The following SRGAP3 variants were observed in gnomAD, a reference collection of about 807,000 sequenced individuals.
SRGAP3 encodes SLIT-ROBO Rho GTPase-activating protein 3.
Under a neutral mutation model 121.1 loss-of-function variants are expected in SRGAP3, and 39 were observed. That is an observed-to-expected ratio of 0.32 (90% CI 0.25 to 0.42). The LOEUF (loss-of-function observed/expected upper bound fraction) is 0.42, where lower values mean the gene tolerates loss of function less well. Ranked by LOEUF, SRGAP3 falls within the 10% of genes least tolerant of loss-of-function variation. The probability of loss-of-function intolerance (pLI) is 1.00; values close to 1 mark genes in which losing one functional copy is unlikely to be tolerated. For missense variants in SRGAP3, 1,213 were observed against 1,470.6 expected, an observed-to-expected ratio of 0.82 and a Z score of 2.86; for synonymous variants, 601 against 570.0, an observed-to-expected ratio of 1.05 and a Z score of -0.77.
chr3:9,294,618 C>T (rs952368112), intron 3 of SRGAP3, among the ~76,000 whole-genome samples: 4 of 151,634 alleles, frequency 2.6e-5, no homozygotes, highest in African/African-American at 4.8e-5. Flanking sequence ...CTGCTTGATT[C>T]GGACCACATT....
At position 9,349,055 on chromosome 3, in the gene SRGAP3, G is replaced by C. The variant is rs1049058242; in HGVS notation, n.214+13785C>G. The C allele has an allele frequency of 7.2e-6, 7 of 977,226 alleles. No homozygotes were observed. In the Admixed American group the frequency reaches 1.0e-4, roughly 14 times the overall value. The allele number at this position is 977,226 out of a possible 1,614,324, so 60.5% of individuals were successfully genotyped here. A position where few individuals can be genotyped will look rare whatever the true frequency, so the allele number is the denominator to read the frequency against. ...GGGCCTCTCTGAAGAGGCTATCATG[G>C]AGCTGAACCTGCCCACTGGTATTCC... On this transcript the variant is annotated intron_variant and non_coding_transcript_variant, in intron 1 of 3. Transcript: ENST00000490889.
intron 1 of SRGAP3, among the ~76,000 whole-genome samples, chr3:9,342,386 T>C (rs1325758520): frequency 3.3e-5 from 5 of 152,094 alleles, no homozygotes; most frequent in African/African-American, 1.2e-4. Context: ...ATCATTTTGA[T>C]TGTATTTCAT....
chr3:9,083,714 C>T (rs1947338262), intron 3 of SRGAP3, among the ~76,000 whole-genome samples: 1 of 152,204 alleles, frequency 6.6e-6, no homozygotes, highest in Non-Finnish European at 1.5e-5. Context: ...TGCATATGGG[C>T]AGGGACCCCA....
At chr3:9,243,861 T>TGTTTTTAA (rs1040862884) in intron 1 of SRGAP3, among the ~76,000 whole-genome samples, 1 of 152,198 alleles carries the variant, frequency 6.6e-6, no homozygotes, top group Admixed American at 6.5e-5. Context: ...GGAAGCATAG[T>TGTTTTTAA]GTTTTTAAAT....
intron 1 of SRGAP3, among the ~76,000 whole-genome samples, chr3:9,210,067 G>A (rs905558879): frequency 6.6e-6 from 1 of 152,102 alleles, no homozygotes; most frequent in Non-Finnish European, 1.5e-5. Flanking sequence ...AACAGACGTT[G>A]TGTGATTCCA....
At chr3:9,061,481 C>T (rs751015261) in intron 5 of SRGAP3, among the ~76,000 whole-genome samples, 43 of 152,174 alleles carry the variant, frequency 2.8e-4, no homozygotes, top group Non-Finnish European at 5.3e-4. Flanking sequence ...GATTGGCTTT[C>T]GATGACAAGC....
At chr3:9,286,910 GT>G (rs34583038) in intron 3 of SRGAP3, among the ~76,000 whole-genome samples, 31,668 of 148,376 alleles carry the variant, frequency 0.21, 3,686 homozygotes, top group African/African-American at 0.3. Context: ...GCTATCTTGT[GT>G]TTTTTTAATC....
At chr3:9,111,064 G>A (rs557747768) in intron 2 of SRGAP3, among the ~76,000 whole-genome samples, 1 of 152,344 alleles carries the variant, frequency 6.6e-6, no homozygotes, top group South Asian at 2.1e-4. Context: ...AGCAGTTCAT[G>A]CATTCCATAC....
At chr3:9,238,012 T>C (rs1353279100) in intron 1 of SRGAP3, among the ~76,000 whole-genome samples, 1 of 152,156 alleles carries the variant, frequency 6.6e-6, no homozygotes, top group Non-Finnish European at 1.5e-5. Context: ...ACATTTTTGA[T>C]TGTCACAACT....
intron 1 of SRGAP3, among the ~76,000 whole-genome samples, chr3:9,138,651 AC>A (rs1467150132): frequency 1.3e-5 from 2 of 152,168 alleles, no homozygotes; most frequent in African/African-American, 2.4e-5. Context: ...CAAAATCCAA[AC>A]TTTTTGAGCA....
rs541349710 is a variant in SRGAP3 at position 9,118,601 on chromosome 3, C to T, written c.260+6124G>A. ...CACAGCCCAAAAGTGAGTTGAAAAC[C>T]ATTTATTCCCCAGAAAAACATCAGA... On this transcript the variant is annotated intron_variant, in intron 2 of 21. Transcript: ENST00000383836. 4.6e-5 allele frequency among the ~76,000 whole-genome samples: 7 copies of T among 152,240 alleles called. No homozygotes were observed. In the South Asian group the frequency reaches 1.2e-3, roughly 27 times the overall value.
At chr3:8,997,935 C>T (rs1942510421) in intron 18 of SRGAP3, among the ~76,000 whole-genome samples, 1 of 151,438 alleles carries the variant, frequency 6.6e-6, no homozygotes, top group Non-Finnish European at 1.5e-5. Context: ...GGCTGGAGTG[C>T]AGTGGTGCAA....
In SRGAP3 at chr3:9,049,169, A is replaced by G. The variant is rs1177640670; in HGVS notation, c.1324-1694T>C. ...ATAGAGGAGGGCCTCTAACATCACC[A>G]CCTTCCCATTGACAGCTATGGGGGA... On this transcript the variant is annotated intron_variant, in intron 9 of 21. Transcript: ENST00000383836. 7 of 321,264 alleles carry G rather than the reference A, an allele frequency of 2.2e-5. No homozygotes were observed. In the East Asian group the frequency reaches 5.3e-4, roughly 24 times the overall value. 19.9% of individuals were successfully genotyped at this position (321,264 alleles called of 1,614,324 possible).
intron 3 of SRGAP3, among the ~76,000 whole-genome samples, chr3:9,294,008 T>G (rs6778059): frequency 0.22 from 33,184 of 152,192 alleles, 4,508 homozygotes; most frequent in Non-Finnish European, 0.3. Flanking sequence ...ATATAAATCA[T>G]TCTCTTATAA....
intron 2 of SRGAP3, among the ~76,000 whole-genome samples, chr3:9,117,379 A>T (rs1292550512): frequency 6.6e-6 from 1 of 152,244 alleles, no homozygotes; most frequent in Non-Finnish European, 1.5e-5. Flanking sequence ...TTTCTTGGAA[A>T]TGAAGTTAGT....
chr3:9,071,203 C>T (rs1176841094), intron 4 of SRGAP3, among the ~76,000 whole-genome samples: 1 of 152,176 alleles, frequency 6.6e-6, no homozygotes, highest in East Asian at 1.9e-4. Flanking sequence ...CAAGGGACTC[C>T]TCCTCAGTGG....
chr3:9,058,197 C>T lies in SRGAP3; in HGVS notation c.1023+54G>A, dbSNP rs1945925033. On this transcript the variant is annotated intron_variant, in intron 7 of 21. Coordinates refer to ENST00000383836, the MANE Select transcript of SRGAP3 (RefSeq NM_014850.4). ...CAACCAGGGATGATGTACTGGAGCA[C>T]ATGGGGGAACAGAGGGAAGCAGCCC... 3 of 1,579,376 alleles carry T rather than the reference C, an allele frequency of 1.9e-6. No individual in the cohort carries two copies. The Admixed American group carries it at 5.0e-5, about 26-fold the overall frequency.
chr3:9,242,529 G>C (rs1953682773), intron 1 of SRGAP3, among the ~76,000 whole-genome samples: 2 of 152,150 alleles, frequency 1.3e-5, no homozygotes, highest in South Asian at 4.1e-4. Flanking sequence ...CAGCTACTCG[G>C]TAGGCTGAGG....
At chr3:9,069,783 C>T (rs1262339905) in intron 4 of SRGAP3, among the ~76,000 whole-genome samples, 2 of 152,092 alleles carry the variant, frequency 1.3e-5, no homozygotes, top group African/African-American at 4.8e-5. Context: ...CCTGTCTCTA[C>T]TAAAAATACA....
Sources: allele counts gnomAD v4.1 joint callset (sites outside exome capture counted in the v4.1 genomes callset), GRCh38; gene constraint gnomAD v4.1.1; transcripts MANE v1.5; gene names NCBI Gene and HGNC (gene_info 2026-07-23, HGNC 2026-07-21).